UBE2R2: variants seen among roughly 807,000 people sequenced by gnomAD.
UBE2R2 encodes ubiquitin-conjugating enzyme E2 R2.
A neutral mutation model predicts 27.8 loss-of-function variants in UBE2R2; 1 was observed. The observed-to-expected ratio is 0.04, with a 90% CI of 0.01 to 0.17. The LOEUF (loss-of-function observed/expected upper bound fraction) is 0.17. UBE2R2 is among the 10% of genes least tolerant of loss of function. The pLI is 1.00. For synonymous variants in UBE2R2, 106 were observed against 113.3 expected (o/e 0.94, Z 0.41); for missense variants, 100 against 291.0 (o/e 0.34, Z 4.78).
intron 2 of UBE2R2, among the ~76,000 whole-genome samples, chr9:33,896,501 A>C (rs1419415626): frequency 6.6e-6 from 1 of 151,504 alleles, no homozygotes; most frequent in Non-Finnish European, 1.5e-5. Flanking sequence ...GGAGTGCAGT[A>C]ATACGATCTC....
chr9:33,883,452 A>G (rs1437073319), intron 1 of UBE2R2, among the ~76,000 whole-genome samples: 2 of 152,196 alleles, frequency 1.3e-5, no homozygotes, highest in East Asian at 3.9e-4. Flanking sequence ...GCGGTGGCTC[A>G]TGTCTGTAAT....
intron 1 of UBE2R2, among the ~76,000 whole-genome samples, chr9:33,859,789 TGTGTGTGTGTGAGAGAGA>T (rs1309886615): frequency 6.4e-5 from 7 of 108,594 alleles, no homozygotes; most frequent in African/African-American, 2.3e-4. Flanking sequence ...TGTGTGTGTG[TGTGTGTGTGTGAGAGAGA>T]GAGAGAGAGA....
At chr9:33,821,333 T>C (rs1323553436) in intron 1 of UBE2R2, among the ~76,000 whole-genome samples, 1 of 151,994 alleles carries the variant, frequency 6.6e-6, no homozygotes, top group Non-Finnish European at 1.5e-5. Flanking sequence ...TTCTTCAGTA[T>C]TGTTAAGTGA....
chr9:33,897,033 T>TTC (rs1822125110), intron 2 of UBE2R2, among the ~76,000 whole-genome samples: 1 of 108,626 alleles, frequency 9.2e-6, no homozygotes, highest in African/African-American at 3.6e-5. Context: ...AATTTTTTTT[T>TTC]TTTTTTTTTT....
chr9:33,852,738 G>A (rs1037495882), intron 1 of UBE2R2, among the ~76,000 whole-genome samples: 1 of 151,700 alleles, frequency 6.6e-6, no homozygotes, highest in African/African-American at 2.4e-5. Flanking sequence ...AACAAGTATG[G>A]GGCCGGGTGC....
chr9:33,819,859 G>A (rs1587420199), intron 1 of UBE2R2, among the ~76,000 whole-genome samples: 4 of 152,240 alleles, frequency 2.6e-5, no homozygotes, highest in African/African-American at 9.6e-5. Flanking sequence ...GGCCGGTCTC[G>A]AACTCCAGAC....
chr9:33,834,226 A>G (rs1190494533), intron 1 of UBE2R2, among the ~76,000 whole-genome samples: 2 of 142,720 alleles, frequency 1.4e-5, no homozygotes, highest in African/African-American at 2.6e-5. Flanking sequence ...TTGGAGACAG[A>G]GTCTCGCTCT....
intron 2 of UBE2R2, among the ~76,000 whole-genome samples, chr9:33,892,941 T>G (rs1822021496): frequency 1.3e-5 from 2 of 152,048 alleles, no homozygotes; most frequent in Non-Finnish European, 2.9e-5. Context: ...GAGATGAAAT[T>G]CACATACATA....
At chr9:33,828,182 A>T (rs1291117858) in intron 1 of UBE2R2, among the ~76,000 whole-genome samples, 4 of 150,816 alleles carry the variant, frequency 2.7e-5, no homozygotes, top group Non-Finnish European at 5.9e-5. Flanking sequence ...CGCGCCTATA[A>T]TCCCAGCTAC....
rs139421181 is a variant in UBE2R2 at position 33,862,897 on chromosome 9, G to A, written c.178-23984G>A. The stretch of plus-strand genomic sequence containing the variant: ...ACTTTCTTTAAGGTTTTTAATCTTT[G>A]GTGTCATGCCTAAAGAAAGTATACC... On this transcript the variant is annotated intron_variant, in intron 1 of 4. Transcript: ENST00000263228. Among the ~76,000 whole-genome samples the A allele has an allele frequency of 4.7e-3, 712 of 152,008 alleles. 21 individuals carry two copies. Among genetic ancestry groups the A allele is most frequent in the Admixed American group, 0.045 (683 of 15,260 alleles).
intron 3 of UBE2R2, among the ~76,000 whole-genome samples, chr9:33,911,082 T>C (rs1430279480): frequency 6.8e-6 from 1 of 147,690 alleles, no homozygotes; most frequent in Admixed American, 6.7e-5. Context: ...CCAGCCTGGG[T>C]GACAGAGCAA....
At chr9:33,845,494 C>T (rs1728842381) in intron 1 of UBE2R2, among the ~76,000 whole-genome samples, 1 of 151,600 alleles carries the variant, frequency 6.6e-6, no homozygotes, top group African/African-American at 2.4e-5. Context: ...GTGATCTGCC[C>T]ACCTCGGCCT....
chr9:33,872,197 C>T (rs964888815), intron 1 of UBE2R2, among the ~76,000 whole-genome samples: 1 of 150,224 alleles, frequency 6.7e-6, no homozygotes, highest in African/African-American at 2.5e-5. Flanking sequence ...AGTTCGAGAC[C>T]AGCCTGGGGA....
chr9:33,844,148 T>A (rs1000741252), intron 1 of UBE2R2, among the ~76,000 whole-genome samples: 1 of 152,228 alleles, frequency 6.6e-6, no homozygotes, highest in African/African-American at 2.4e-5. Flanking sequence ...ACATTTTATA[T>A]TTTCATAAGT....
At chr9:33,914,834 A>G (rs1423473504) in intron 4 of UBE2R2, among the ~76,000 whole-genome samples, 1 of 143,576 alleles carries the variant, frequency 7.0e-6, no homozygotes, top group Middle Eastern at 3.6e-3. Flanking sequence ...GTCTCAAAAG[A>G]AAAAAAAAAA....
At chr9:33,865,494 C>G (rs1364714142) in intron 1 of UBE2R2, among the ~76,000 whole-genome samples, 2 of 152,132 alleles carry the variant, frequency 1.3e-5, no homozygotes, top group African/African-American at 4.8e-5. Flanking sequence ...CCACGCCTGG[C>G]CTTCTAAATA....
At chr9:33,839,015 G>A (rs1406362998) in intron 1 of UBE2R2, among the ~76,000 whole-genome samples, 1 of 150,818 alleles carries the variant, frequency 6.6e-6, no homozygotes, top group Non-Finnish European at 1.5e-5. Context: ...CTGGGAGATG[G>A]AGGTTGCAGT....
chr9:33,851,344 GA>G (rs1412212754), intron 1 of UBE2R2, among the ~76,000 whole-genome samples: 1 of 152,146 alleles, frequency 6.6e-6, no homozygotes, highest in Non-Finnish European at 1.5e-5. Flanking sequence ...CAACAATTAT[GA>G]AGTTAATAAT....
At position 33,918,771 on chromosome 9, in the gene UBE2R2, C is replaced by T. The variant is rs554804135; in HGVS notation, c.*1534C>T. On this transcript the variant is annotated 3_prime_UTR_variant, in exon 5 of 5. Transcript: ENST00000263228. ...AGACCCCTGGGCACTAGTGTCAACT[C>T]CTCCTTTGGCTCGTAACTCAGAAAG... 6.6e-6 allele frequency: 1 copy of T among 152,582 alleles called. No homozygotes were observed. The highest frequency in any genetic ancestry group is 1.5e-5 in the Non-Finnish European group (1 of 68,072). 9.5% of individuals were successfully genotyped at this position (152,582 alleles called of 1,614,324 possible).
Sources: allele counts gnomAD v4.1 joint callset (sites outside exome capture counted in the v4.1 genomes callset), GRCh38; gene constraint gnomAD v4.1.1; transcripts MANE v1.5; gene names NCBI Gene and HGNC (gene_info 2026-07-23, HGNC 2026-07-21).